Variants in FOXP1 observed in about 807,000 individuals in gnomAD.
FOXP1 encodes forkhead box protein P1.
Under a neutral mutation model 98.2 loss-of-function variants are expected in FOXP1, and 15 were observed. That is an observed-to-expected ratio of 0.15 (90% CI 0.10 to 0.24). The LOEUF is 0.24. Among genes scored for constraint, FOXP1 ranks in the 10% least tolerant of loss-of-function variants. FOXP1 has a pLI of 1.00. For synonymous variants in FOXP1, 371 were observed against 314.5 expected (o/e 1.18, Z -1.90); for missense variants, 633 against 848.5 (o/e 0.75, Z 3.15).
At chr3:71,268,372 C>T (rs1442108375) in intron 5 of FOXP1, among the ~76,000 whole-genome samples, 1 of 151,980 alleles carries the variant, frequency 6.6e-6, no homozygotes, top group Non-Finnish European at 1.5e-5. Flanking sequence ...TGAGAACTGA[C>T]AAATGTATTT....
intron 11 of FOXP1, among the ~76,000 whole-genome samples, chr3:71,028,657 A>G (rs897812663): frequency 1.3e-5 from 2 of 152,242 alleles, no homozygotes; most frequent in African/African-American, 4.8e-5. Context: ...GGCAGGGAAT[A>G]GTTTCGGGAT....
chr3:71,009,935 T>G (rs1408941896), intron 12 of FOXP1, among the ~76,000 whole-genome samples: 2 of 147,408 alleles, frequency 1.4e-5, no homozygotes, highest in Non-Finnish European at 3.0e-5. Context: ...TTTTTTTTTT[T>G]GGCAGAGATA....
chr3:71,385,242 A>G (rs2080479645), intron 3 of FOXP1, among the ~76,000 whole-genome samples: 1 of 152,222 alleles, frequency 6.6e-6, no homozygotes, highest in Non-Finnish European at 1.5e-5. Context: ...TTTACTGACC[A>G]CACTGTCAGC....
chr3:70,970,822 T>G lies in FOXP1; in HGVS notation c.1653-17A>C, dbSNP rs372034388. On this transcript the variant is annotated splice_polypyrimidine_tract_variant and intron_variant, in intron 18 of 20. Coordinates refer to ENST00000649528, the MANE Select transcript of FOXP1 (RefSeq NM_001349338.3). ...GAAGGGTTACTGTGTAAGAAAAACA[T>G]AAAAACTCAAAGTTAAACACAGTCG... 4.4e-6 allele frequency: 7 copies of G among 1,603,680 alleles called. No homozygotes were observed. The highest frequency in any genetic ancestry group is 6.0e-6 in the Non-Finnish European group (7 of 1,170,660).
chr3:71,283,540 G>C (rs1410256909), intron 5 of FOXP1, among the ~76,000 whole-genome samples: 1 of 152,196 alleles, frequency 6.6e-6, no homozygotes, highest in East Asian at 1.9e-4. Flanking sequence ...GGAGACTCCT[G>C]AAGGGATCTG....
At chr3:71,078,199 A>T (rs2054026043) in intron 7 of FOXP1, among the ~76,000 whole-genome samples, 1 of 152,096 alleles carries the variant, frequency 6.6e-6, no homozygotes, top group Non-Finnish European at 1.5e-5. Flanking sequence ...TTCTTTCTCC[A>T]CCTGTGGTGC....
intron 4 of FOXP1, among the ~76,000 whole-genome samples, chr3:71,324,089 A>G (rs2075546397): frequency 1.3e-5 from 2 of 151,896 alleles, no homozygotes; most frequent in African/African-American, 4.8e-5. Flanking sequence ...ATATAAAATT[A>G]TATATTTATA....
chr3:71,076,204 A>C (rs564762492), intron 7 of FOXP1, among the ~76,000 whole-genome samples: 2 of 152,342 alleles, frequency 1.3e-5, no homozygotes, highest in African/African-American at 4.8e-5. Flanking sequence ...CCCTGGCTCC[A>C]GAGAGGGCTC....
At position 71,015,554 on chromosome 3, in the gene FOXP1, A is replaced by G; in HGVS notation, c.969T>C (p.Phe323=). 6.3e-7 allele frequency: 1 copy of G among 1,596,690 alleles called. No homozygotes were observed. Among genetic ancestry groups the G allele is most frequent in the East Asian group, 2.2e-5 (1 of 44,728 alleles). The change falls in exon 12 of 21, where the codon TTT becomes TTC. Residue 323 remains phenylalanine, a synonymous_variant. Transcript: ENST00000649528. ...CEAVCEDFQS[F]LKHLNSEHAL... ...CAAAATAAAATCATTCTTACTTTAG[A>G]AATGATTGGAAATCTTCGCACACTG... is the stretch of plus-strand genomic sequence containing the variant.
chr3:71,196,690 T>C (rs984645276), intron 6 of FOXP1, among the ~76,000 whole-genome samples: 2 of 152,212 alleles, frequency 1.3e-5, no homozygotes, highest in Non-Finnish European at 2.9e-5. Context: ...GAACATGTAC[T>C]TGCACAAATA....
chr3:71,092,263 C>T (rs528562456), intron 7 of FOXP1, among the ~76,000 whole-genome samples: 53 of 150,002 alleles, frequency 3.5e-4, no homozygotes, highest in Admixed American at 2.8e-3. Context: ...CCCAGCTACT[C>T]GGGAGGCTGA....
intron 3 of FOXP1, among the ~76,000 whole-genome samples, chr3:71,408,862 T>C (rs182270915): frequency 1.3e-5 from 2 of 152,264 alleles, no homozygotes; most frequent in African/African-American, 4.8e-5. Context: ...TAGAAAAAGA[T>C]GTATCTTAGA....
intron 2 of FOXP1, among the ~76,000 whole-genome samples, chr3:71,524,723 A>G (rs2043241804): frequency 6.6e-6 from 1 of 152,240 alleles, no homozygotes; most frequent in South Asian, 2.1e-4. Flanking sequence ...CAAAGCAACG[A>G]CTATTAACAA....
intron 4 of FOXP1, among the ~76,000 whole-genome samples, chr3:71,318,937 T>A (rs1315561066): frequency 6.6e-6 from 1 of 152,146 alleles, no homozygotes; most frequent in African/African-American, 2.4e-5. Flanking sequence ...TAAAGATGTG[T>A]TCCATTAGGA....
chr3:71,080,234 T>C (rs1010499551), intron 7 of FOXP1, among the ~76,000 whole-genome samples: 1 of 152,230 alleles, frequency 6.6e-6, no homozygotes, highest in Non-Finnish European at 1.5e-5. Flanking sequence ...AGGTCATAAA[T>C]GTTCCTCAGC....
intron 6 of FOXP1, among the ~76,000 whole-genome samples, chr3:71,140,884 T>C (rs2060035424): frequency 6.6e-6 from 1 of 150,880 alleles, no homozygotes. Context: ...GAGGCCAAGG[T>C]GGGAGGATCT....
At chr3:71,150,134 T>C (rs1023709039) in intron 6 of FOXP1, among the ~76,000 whole-genome samples, 1 of 152,206 alleles carries the variant, frequency 6.6e-6, no homozygotes, top group African/African-American at 2.4e-5. Flanking sequence ...TCTTCCTTCT[T>C]TTCCTCTCTC....
At chr3:70,988,162 G>A (rs995676776) in intron 13 of FOXP1, 85 bp from the exon 14 acceptor site, 3 of 1,149,822 alleles carry the variant, frequency 2.6e-6, no homozygotes, top group Non-Finnish European at 4.0e-6. Flanking sequence ...TACAAATTAC[G>A]CTATGGCACC....
At chr3:71,263,666 C>G (rs887299109) in intron 5 of FOXP1, among the ~76,000 whole-genome samples, 3 of 152,148 alleles carry the variant, frequency 2.0e-5, no homozygotes, top group African/African-American at 7.2e-5. Context: ...GAGATTCACT[C>G]ACTTCAAAGC....
Sources: gnomAD v4.1 joint callset for allele counts (sites outside exome capture counted in the v4.1 genomes callset) on GRCh38, gnomAD v4.1.1 for gene constraint, MANE v1.5 for transcripts, NCBI Gene and HGNC (gene_info 2026-07-23, HGNC 2026-07-21) for gene names.